The following SLC23A1 variants were observed in gnomAD, a reference collection of about 807,000 sequenced individuals.
SLC23A1 encodes the protein solute carrier family 23 member 1.
SLC23A1 carries 31 observed loss-of-function variants against 62.5 expected under a neutral mutation model. That is an observed-to-expected ratio of 0.50 (90% CI 0.37 to 0.67). The LOEUF is 0.67. SLC23A1 is among the 30% of genes least tolerant of loss of function. The pLI is 0.00. For synonymous variants in SLC23A1, 271 were observed against 313.2 expected (o/e 0.87, Z 1.42); for missense variants, 640 against 782.7 (o/e 0.82, Z 2.18).
At chr5:139,375,621 G>C (rs944489778) in intron 13 of SLC23A1, among the ~76,000 whole-genome samples, 2 of 152,102 alleles carry the variant, frequency 1.3e-5, no homozygotes, top group Non-Finnish European at 2.9e-5. Context: ...GATCACCTGA[G>C]GTCAGGAGTT....
At chr5:139,376,465 G>T (rs1350080554) in intron 13 of SLC23A1, among the ~76,000 whole-genome samples, 1 of 152,160 alleles carries the variant, frequency 6.6e-6, no homozygotes, top group African/African-American at 2.4e-5. Flanking sequence ...ACCATGCTCG[G>T]CCGTGATGTT....
Position 139,373,154 on chromosome 5 carries a change from GT to G in SLC23A1, c.1550-902del, listed in dbSNP as rs1031539791. ...GAGGTAGGGATACACCAAATAATTT[GT>G]TTTTTTGTGTTGTGTTTTTTTTGTT... On this transcript the variant is annotated intron_variant, in intron 13 of 14. Coordinates refer to ENST00000348729, the MANE Select transcript of SLC23A1 (RefSeq NM_005847.5). Among the ~76,000 whole-genome samples the G allele has an allele frequency of 5.4e-3, 242 of 45,186 alleles. 2 individuals carry two copies. The highest frequency in any genetic ancestry group is 0.038 in the Middle Eastern group (2 of 52). 29.6% of individuals were successfully genotyped at this position (45,186 alleles called of 152,430 possible).
Position 139,372,164 on chromosome 5 carries a change from G to C in SLC23A1, c.1639C>G (p.Pro547Ala), listed in dbSNP as rs201565759. Residue 547 changes from proline to alanine, a missense_variant, in exon 14 of 15, where the codon CCC (proline) becomes GCC (alanine). Transcript: ENST00000348729. ...MSSSLKSYDF[P>A]IGMGIVKRIT... ...CTTTTTACTATGCCCATCCCAATGG[G>C]GAAATCGTAGCTCTTGAGGCTGGAA... is the stretch of plus-strand genomic sequence containing the variant. 8.7e-6 allele frequency: 14 copies of C among 1,613,564 alleles called. No individual in the cohort carries two copies. In the East Asian group the frequency reaches 2.9e-4, roughly 33 times the overall value.
At chr5:139,377,871 G>T in intron 12 of SLC23A1, 104 bp downstream of exon 12, 7 of 1,155,654 alleles carry the variant, frequency 6.1e-6, no homozygotes, top group Non-Finnish European at 8.6e-6. Context: ...CCCAGAGTTG[G>T]GTACGATTTG....
intron 14 of SLC23A1, among the ~76,000 whole-genome samples, chr5:139,370,156 C>T (rs1388060261): frequency 6.6e-6 from 1 of 152,094 alleles, no homozygotes; most frequent in African/African-American, 2.4e-5. Flanking sequence ...CACCTGTACC[C>T]CAGTGTGTGG....
chr5:139,368,867 A>G, intron 14 of SLC23A1: 1 of 1,156,418 alleles, frequency 8.6e-7, no homozygotes, highest in South Asian at 1.3e-5. Flanking sequence ...TAGAAGACTT[A>G]ATTGTAAAAG....
upstream of SLC23A1, among the ~76,000 whole-genome samples, chr5:139,383,713 G>A (rs760203783): frequency 6.6e-6 from 1 of 152,252 alleles, no homozygotes; most frequent in East Asian, 1.9e-4. Flanking sequence ...TTGGCCTTGT[G>A]CCAAGAAACA....
At chr5:139,373,687 A>G (rs996603258) in intron 13 of SLC23A1, among the ~76,000 whole-genome samples, 1 of 152,204 alleles carries the variant, frequency 6.6e-6, no homozygotes, top group Admixed American at 6.5e-5. Context: ...AGGAGAGGGC[A>G]CTGAGGGAAG....
chr5:139,378,224 AAG>A lies in SLC23A1; in HGVS notation c.1305_1306del (p.Phe436TrpfsTer52), dbSNP rs753161649. 2 of 1,613,140 alleles carry A rather than the reference AAG, an allele frequency of 1.2e-6. No individual in the cohort carries two copies. The highest frequency in any genetic ancestry group is 1.7e-6 in the Non-Finnish European group (2 of 1,179,708). ...CGTGGCCCGCGCCAGACACTCACCAAAGAGAGTGCAGAACATGCCCCCCAGGA... is the reference window on the plus strand; with the variant it reads ...CGTGGCCCGCGCCAGACACTCACCAAAGAGTGCAGAACATGCCCCCCAGGA... On this transcript the variant is annotated frameshift_variant, in exon 11 of 15. Transcript: ENST00000348729. LOFTEE classifies it high-confidence loss of function. This position sits in a 1 kb window ranked among gnomAD's most constrained non-coding sequence, Gnocchi z 4.5.
At chr5:139,368,865 T>C (rs1757471535) in intron 14 of SLC23A1, 2 of 1,182,964 alleles carry the variant, frequency 1.7e-6, no homozygotes, top group Non-Finnish European at 2.5e-6. Context: ...ATTAGAAGAC[T>C]TAATTGTAAA....
Position 139,383,214 on chromosome 5 carries a change from G to T in SLC23A1, c.36+4C>A. The T allele has an allele frequency of 3.3e-6, 2 of 601,906 alleles. No homozygotes were observed. The highest frequency in any genetic ancestry group is 6.2e-5 in the African/African-American group (1 of 16,178). The allele number at this position is 601,906 out of a possible 1,614,324, so 37.3% of individuals were successfully genotyped here. On this transcript the variant is annotated splice_donor_region_variant and intron_variant, in intron 1 of 14. Coordinates refer to ENST00000348729, the MANE Select transcript of SLC23A1 (RefSeq NM_005847.5). ...CCCTAGCCCCCACCCCCAGCCCCCA[G>T]CACCTGTGTCCGGCCCTCGAGGTCC...
intron 14 of SLC23A1, chr5:139,368,964 G>A (rs1409961842): frequency 7.8e-6 from 4 of 515,842 alleles, no homozygotes; most frequent in East Asian, 3.3e-5. Context: ...CTGTTACTAA[G>A]TAAAAAGCTG....
At chr5:139,372,640 A>G (rs958809345) in intron 13 of SLC23A1, among the ~76,000 whole-genome samples, 1 of 152,118 alleles carries the variant, frequency 6.6e-6, no homozygotes, top group Non-Finnish European at 1.5e-5. Flanking sequence ...GCTGGAGTGC[A>G]CTGGCACGAT....
At chr5:139,380,979 AG>A in intron 3 of SLC23A1, 93 bp from the exon 4 acceptor site, 1 of 655,742 alleles carries the variant, frequency 1.5e-6, no homozygotes, top group Non-Finnish European at 2.7e-6. Context: ...GAGAGCACAG[AG>A]AGAGTGACAG....
chr5:139,368,835 T>C, intron 14 of SLC23A1: 1 of 1,420,582 alleles, frequency 7.0e-7, no homozygotes, highest in Non-Finnish European at 1.0e-6. Context: ...GTAGCACAAT[T>C]TCCACACTGT....
rs1265122431 is a variant in SLC23A1, at chr5:139,380,639, G to T, written c.398-7C>A. On this transcript the variant is annotated splice_polypyrimidine_tract_variant and splice_region_variant and intron_variant, in intron 4 of 14. Transcript: ENST00000348729. ...CAGTTACCGTAGATCTCCTCTGGGGGTAGAGTCAGGGATACACACACGGAC... is the reference window on the plus strand; with the variant it reads ...CAGTTACCGTAGATCTCCTCTGGGGTTAGAGTCAGGGATACACACACGGAC... The T allele has an allele frequency of 3.1e-6, 5 of 1,608,292 alleles. No individual in the cohort carries two copies. The highest frequency in any genetic ancestry group is 4.3e-6 in the Non-Finnish European group (5 of 1,174,832).
upstream of SLC23A1, among the ~76,000 whole-genome samples, chr5:139,383,685 C>T (rs560238466): frequency 2.6e-5 from 4 of 152,368 alleles, no homozygotes; most frequent in South Asian, 4.1e-4. Flanking sequence ...TAGTCATTCT[C>T]GTTATTGAGG....
In SLC23A1 at chr5:139,367,446, T is replaced by C. The variant is rs141928669; in HGVS notation, c.*205A>G. The stretch of plus-strand genomic sequence containing the variant: ...ATAGCATAACATTGGTACAAGTCTC[T>C]AAGACTCAGACTTTGGCCCATTCCC... On this transcript the variant is annotated 3_prime_UTR_variant, in exon 15 of 15. Transcript: ENST00000348729. 1.3e-5 allele frequency: 2 copies of C among 152,334 alleles called. No individual in the cohort carries two copies. The highest frequency in any genetic ancestry group is 2.4e-5 in the African/African-American group (1 of 41,578). The allele number at this position is 152,334 out of a possible 1,614,324, so 9.4% of individuals were successfully genotyped here.
upstream of SLC23A1, chr5:139,384,759 C>T (rs1250938150): frequency 1.0e-6 from 1 of 985,110 alleles, no homozygotes. Context: ...ACACCCAGAG[C>T]TGATGCAGCC....
Sources: gnomAD v4.1 joint callset for allele counts (sites outside exome capture counted in the v4.1 genomes callset) on GRCh38, gnomAD v4.1.1 for gene constraint, Gnocchi (gnomAD v3.1) non-coding constraint, MANE v1.5 for transcripts, NCBI Gene and HGNC (gene_info 2026-07-23, HGNC 2026-07-21) for gene names.